CORIN: variants seen among roughly 807,000 people sequenced by gnomAD.
The protein encoded by CORIN is atrial natriuretic peptide-converting enzyme.
In CORIN, 117 loss-of-function variants were observed where a neutral mutation model predicts 125.3. The ratio of observed to expected loss-of-function variants is 0.93; its 90% CI spans 0.80 to 1.09. The LOEUF is 1.09. Among genes scored for constraint, CORIN ranks in the 50% least tolerant of loss-of-function variants. The pLI is 0.00. For synonymous variants in CORIN, 450 were observed against 466.4 expected (o/e 0.96, Z 0.45); for missense variants, 1,253 against 1,306.7 (o/e 0.96, Z 0.63).
chr4:47,639,373 A>G (rs956480268), intron 16 of CORIN, among the ~76,000 whole-genome samples: 3 of 152,138 alleles, frequency 2.0e-5, no homozygotes, highest in Non-Finnish European at 4.4e-5. Context: ...CTGTTTACCT[A>G]CATGTCTTCC....
At chr4:47,780,486 G>A (rs1048692658) in intron 3 of CORIN, among the ~76,000 whole-genome samples, 1 of 151,886 alleles carries the variant, frequency 6.6e-6, no homozygotes, top group African/African-American at 2.4e-5. Flanking sequence ...GAATAAATAA[G>A]GTAAAAACAA....
At chr4:47,676,276 C>T (rs1280860200) in intron 9 of CORIN, among the ~76,000 whole-genome samples, 5 of 152,192 alleles carry the variant, frequency 3.3e-5, no homozygotes, top group Non-Finnish European at 7.3e-5. Flanking sequence ...TGCCTTCTCT[C>T]ATGGTCCTCC....
chr4:47,607,148 G>T (rs1395146194), intron 19 of CORIN, among the ~76,000 whole-genome samples: 1 of 152,186 alleles, frequency 6.6e-6, no homozygotes, highest in Non-Finnish European at 1.5e-5. Flanking sequence ...GTAGTCTCTT[G>T]TTACATAAGC....
At chr4:47,631,916 T>C (rs1361457024) in intron 16 of CORIN, among the ~76,000 whole-genome samples, 2 of 152,172 alleles carry the variant, frequency 1.3e-5, no homozygotes, top group African/African-American at 2.4e-5. Flanking sequence ...TACAAATATA[T>C]CACTTTTCTG....
intron 5 of CORIN, among the ~76,000 whole-genome samples, chr4:47,726,229 G>A (rs1159191809): frequency 1.3e-5 from 2 of 152,030 alleles, no homozygotes; most frequent in Non-Finnish European, 2.9e-5. Context: ...TCATCTTAGA[G>A]AAATTTGCCT....
chr4:47,730,886 G>C (rs1727846633), intron 5 of CORIN, among the ~76,000 whole-genome samples: 1 of 152,198 alleles, frequency 6.6e-6, no homozygotes, highest in South Asian at 2.1e-4. Context: ...TGCATAGGGA[G>C]GTATCAAGGA....
At position 47,807,049 on chromosome 4, in the gene CORIN, T is replaced by TA; in HGVS notation, c.64-3dup. 6.2e-7 allele frequency: 1 copy of TA among 1,602,830 alleles called. No individual in the cohort carries two copies. Among genetic ancestry groups the TA allele is most frequent in the Non-Finnish European group, 8.5e-7 (1 of 1,176,712 alleles). On this transcript the variant is annotated splice_region_variant and splice_polypyrimidine_tract_variant and intron_variant, in intron 1 of 21. Coordinates refer to ENST00000273857, the MANE Select transcript of CORIN (RefSeq NM_006587.4). ...GTTATTGTCATCAGCTCTCAAGACC[T>TA]AAAGTAAAAGAGGAAAATGCAACAT...
chr4:47,822,079 C>G (rs1732540552), intron 1 of CORIN, among the ~76,000 whole-genome samples: 1 of 152,128 alleles, frequency 6.6e-6, no homozygotes, highest in Non-Finnish European at 1.5e-5. Flanking sequence ...AAAAAATGTC[C>G]ATGACTACAA....
intron 1 of CORIN, among the ~76,000 whole-genome samples, chr4:47,808,099 T>TTC (rs753275435): frequency 6.6e-6 from 1 of 152,058 alleles, no homozygotes; most frequent in Non-Finnish European, 1.5e-5. Flanking sequence ...AAGACGAACC[T>TTC]TCTCTCTCTC....
chr4:47,600,263 G>T lies in CORIN; in HGVS notation c.2897C>A (p.Thr966Asn). 1 of 1,613,790 alleles carries T rather than the reference G, an allele frequency of 6.2e-7. No individual in the cohort carries two copies. The highest frequency in any genetic ancestry group is 1.1e-5 in the South Asian group (1 of 91,046). The stretch of plus-strand genomic sequence containing the variant: ...CTCATAGCCAGCACATATCATCCGA[G>T]TGGTGATGGTCTTCATGTCAAAGTA... ...QSYFDMKTITTRMICAGYESG... is the reference protein window; with the variant it reads ...QSYFDMKTITNRMICAGYESG... The change falls in exon 21 of 22, where the codon ACT (threonine) becomes AAT (asparagine). Residue 966 changes from threonine (T) to asparagine (N), a missense_variant. Coordinates refer to ENST00000273857, the MANE Select transcript of CORIN (RefSeq NM_006587.4).
At position 47,665,041 on chromosome 4, in the gene CORIN, G is replaced by A. The variant is rs751259747; in HGVS notation, c.1580C>T (p.Pro527Leu). 3 of 1,602,766 alleles carry A rather than the reference G, an allele frequency of 1.9e-6. No individual in the cohort carries two copies. Among genetic ancestry groups the A allele is most frequent in the East Asian group, 4.5e-5 (2 of 44,702 alleles). Residue 527 changes from proline to leucine, a missense_variant, in exon 11 of 22, where the codon CCT becomes CTT. Transcript: ENST00000273857. ...KCDVNTGEHI[P>L]PCRALCEHSK... ...GATCCCATCATATTACCTGCAAGGAGGGATATGCTCGCCTGTATTCACATC... is the reference window on the plus strand; with the variant it reads ...GATCCCATCATATTACCTGCAAGGAAGGATATGCTCGCCTGTATTCACATC...
intron 5 of CORIN, chr4:47,706,550 T>G: frequency 1.2e-6 from 2 of 1,610,282 alleles, no homozygotes; most frequent in Non-Finnish European, 1.7e-6. Flanking sequence ...CAAGGTTACG[T>G]TATACATAGG....
In CORIN at chr4:47,595,728, A is replaced by G; in HGVS notation, c.3122T>C (p.Leu1041Pro). 6.3e-7 allele frequency: 1 copy of G among 1,599,852 alleles called. No individual in the cohort carries two copies. The highest frequency in any genetic ancestry group is 2.2e-5 in the East Asian group (1 of 44,812). Reference protein sequence around the residue: ...KRQIYIQTFLLN With the variant: ...KRQIYIQTFLPN ...CTCTGATCATCCTTATAATTAGTTTAGGAGAAAGGTCTGGATGTAAATCTG... is the reference window on the plus strand; with the variant it reads ...CTCTGATCATCCTTATAATTAGTTTGGGAGAAAGGTCTGGATGTAAATCTG... Residue 1041 changes from leucine to proline, a missense_variant, in exon 22 of 22, where the codon CTA (leucine) becomes CCA (proline). Transcript: ENST00000273857.
intron 12 of CORIN, among the ~76,000 whole-genome samples, chr4:47,660,633 C>CT (rs1207190850): frequency 6.6e-6 from 1 of 152,124 alleles, no homozygotes; most frequent in East Asian, 1.9e-4. Flanking sequence ...GAGGTATCAT[C>CT]TCACCCAAAT....
chr4:47,621,309 C>T (rs1484592763), intron 19 of CORIN, among the ~76,000 whole-genome samples: 1 of 152,136 alleles, frequency 6.6e-6, no homozygotes, highest in Non-Finnish European at 1.5e-5. Flanking sequence ...ATGCCAGCCA[C>T]CATGAAGTGA....
At chr4:47,815,069 C>T (rs1273226963) in intron 1 of CORIN, among the ~76,000 whole-genome samples, 1 of 152,122 alleles carries the variant, frequency 6.6e-6, no homozygotes, top group Non-Finnish European at 1.5e-5. Flanking sequence ...GAAGTCTGAA[C>T]TGTGAGAGAC....
Position 47,643,577 on chromosome 4 carries a change from A to G in CORIN, c.1958-321T>C, listed in dbSNP as rs1244655803. On this transcript the variant is annotated intron_variant, in intron 14 of 21. Coordinates refer to ENST00000273857, the MANE Select transcript of CORIN (RefSeq NM_006587.4). Reference sequence around the variant, plus strand: ...AGAGAACGGGGTTAAAATCTGCATGAGCAGAGCATGAGGGATGAACAGACT... The same window carrying G: ...AGAGAACGGGGTTAAAATCTGCATGGGCAGAGCATGAGGGATGAACAGACT... 1.9e-4 allele frequency among the ~76,000 whole-genome samples: 29 copies of G among 152,308 alleles called. 1 individual carries two copies. The highest frequency in any genetic ancestry group is 1.8e-3 in the Admixed American group (28 of 15,296).
intron 1 of CORIN, among the ~76,000 whole-genome samples, chr4:47,809,396 C>CTTTTTT (rs374248975): frequency 4.7e-5 from 5 of 107,360 alleles, no homozygotes; most frequent in African/African-American, 8.8e-5. Context: ...GAATTGATTG[C>CTTTTTT]TTTTTTTTTT....
chr4:47,804,736 A>AGG (rs1213620706), intron 2 of CORIN, among the ~76,000 whole-genome samples: 5 of 17,602 alleles, frequency 2.8e-4, no homozygotes, highest in Admixed American at 1.6e-3. Context: ...GGGGGTGGGG[A>AGG]GGGGGGGGGT....
Sources: allele counts gnomAD v4.1 joint callset (sites outside exome capture counted in the v4.1 genomes callset), GRCh38; gene constraint gnomAD v4.1.1; transcripts MANE v1.5; gene names NCBI Gene and HGNC (gene_info 2026-07-23, HGNC 2026-07-21).